The following SV2C variants were observed in gnomAD, a reference collection of about 807,000 sequenced individuals.
The protein encoded by SV2C is solute carrier family 22 member B3.
In SV2C, 49 loss-of-function variants were observed where a neutral mutation model predicts 79.7. The ratio of observed to expected loss-of-function variants is 0.61; its 90% CI spans 0.49 to 0.78. SV2C has a LOEUF of 0.78. SV2C is among the 30% of genes least tolerant of loss of function. SV2C has a pLI of 0.00. For missense variants in SV2C, 833 were observed against 912.9 expected, an observed-to-expected ratio of 0.91 and a Z score of 1.13; for synonymous variants, 334 against 333.2, an observed-to-expected ratio of 1.00 and a Z score of -0.03.
At chr5:76,284,528 C>G (rs1283606155) in intron 4 of SV2C, among the ~76,000 whole-genome samples, 1 of 152,080 alleles carries the variant, frequency 6.6e-6, no homozygotes, top group Non-Finnish European at 1.5e-5. Flanking sequence ...AATAAAGCAC[C>G]CTGGATCCAC....
chr5:76,325,732 TG>T lies in SV2C; in HGVS notation c.*186del. On this transcript the variant is annotated 3_prime_UTR_variant, in exon 13 of 13. Coordinates refer to ENST00000502798, the MANE Select transcript of SV2C (RefSeq NM_014979.4). ...CCTTTGTGATTTTGCACAGGTTGTT[TG>T]TTTGTTTTGTTTTGTTTGAATGCAT... The T allele has an allele frequency of 1.3e-6, 1 of 798,556 alleles. No homozygotes were observed. Among genetic ancestry groups the T allele is most frequent in the Non-Finnish European group, 1.9e-6 (1 of 538,850 alleles). 49.5% of individuals were successfully genotyped at this position (798,556 alleles called of 1,614,324 possible). A position where few individuals can be genotyped will look rare whatever the true frequency, so the allele number is the denominator to read the frequency against.
intron 4 of SV2C, 73 bp downstream of exon 4, chr5:76,209,960 C>A: frequency 6.6e-7 from 1 of 1,509,280 alleles, no homozygotes; most frequent in South Asian, 1.3e-5. Flanking sequence ...TCTTCTTCCT[C>A]TCTTCTAAGG....
the SV2C span, among the ~76,000 whole-genome samples, chr5:75,869,984 T>A: frequency 1.2e-3 from 189 of 152,210 alleles, 2 homozygotes; most frequent in African/African-American, 4.1e-3. Flanking sequence ...ACAGCCTATA[T>A]TACAACACTC....
the SV2C span, among the ~76,000 whole-genome samples, chr5:75,906,608 A>G: frequency 6.6e-6 from 1 of 152,172 alleles, no homozygotes; most frequent in African/African-American, 2.4e-5. Flanking sequence ...ATCAAATTCA[A>G]GTGAAATTTA....
chr5:76,291,795 A>T lies in SV2C; in HGVS notation c.1276A>T (p.Asn426Tyr). Residue 426 changes from asparagine to tyrosine, a missense_variant, in exon 8 of 13, where the codon AAC (asparagine) becomes TAC (tyrosine). Asn to Tyr is a moderately radical substitution (Grantham distance 143). Coordinates refer to ENST00000502798, the MANE Select transcript of SV2C (RefSeq NM_014979.4). ...TTGGTTGACTTTTATGAGATGTTTC[A>T]ACTACCCAGTCAGGGATAATACAAT... is the stretch of plus-strand genomic sequence containing the variant. ...GIWLTFMRCF[N>Y]YPVRDNTIKL... 1 of 1,610,576 alleles carries T rather than the reference A, an allele frequency of 6.2e-7. No individual in the cohort carries two copies. The highest frequency in any genetic ancestry group is 8.5e-7 in the Non-Finnish European group (1 of 1,177,960).
intron 2 of SV2C, among the ~76,000 whole-genome samples, chr5:76,172,491 C>T (rs1743338347): frequency 1.2e-5 from 1 of 81,154 alleles, no homozygotes; most frequent in Non-Finnish European, 2.4e-5. Context: ...GCCCGGCCGC[C>T]CCTACTGGGA....
intron 1 of SV2C, among the ~76,000 whole-genome samples, chr5:76,086,491 C>T (rs1176179592): frequency 3.3e-5 from 5 of 152,152 alleles, no homozygotes; most frequent in African/African-American, 9.7e-5. Flanking sequence ...CAAGGGAAAA[C>T]CTTCAATACA....
At chr5:76,041,935 C>A in the SV2C span, among the ~76,000 whole-genome samples, 1 of 152,156 alleles carries the variant, frequency 6.6e-6, no homozygotes, top group Non-Finnish European at 1.5e-5. Flanking sequence ...GAACTCCCCC[C>A]AAAATCCAGA....
chr5:75,853,149 A>G, the SV2C span, among the ~76,000 whole-genome samples: 7 of 151,808 alleles, frequency 4.6e-5, no homozygotes, highest in Non-Finnish European at 1.5e-5. Context: ...GATGCATACA[A>G]CAACAACTAG....
chr5:76,216,118 G>A (rs934360034), intron 4 of SV2C, among the ~76,000 whole-genome samples: 11 of 152,158 alleles, frequency 7.2e-5, no homozygotes, highest in African/African-American at 2.4e-4. Context: ...CTGTGGCCAG[G>A]AGTTTTTGGT....
chr5:76,014,267 GGAAA>G, the SV2C span, among the ~76,000 whole-genome samples: 34,722 of 146,196 alleles, frequency 0.24, 4,703 homozygotes, highest in East Asian at 0.47. Flanking sequence ...AAAGAAAGAA[GGAAA>G]GAAAGAAAGA....
chr5:76,280,726 G>A (rs1747159376), intron 4 of SV2C, among the ~76,000 whole-genome samples: 1 of 152,222 alleles, frequency 6.6e-6, no homozygotes, highest in African/African-American at 2.4e-5. Context: ...GGGCCTCCAG[G>A]TGCGGGACCT....
At chr5:76,349,643 T>A (rs1028070479) in intron 12 of SV2C, among the ~76,000 whole-genome samples, 6 of 151,818 alleles carry the variant, frequency 4.0e-5, no homozygotes, top group African/African-American at 1.5e-4. Flanking sequence ...CAAGAACACA[T>A]GGAAAGAGAT....
the SV2C span, among the ~76,000 whole-genome samples, chr5:75,929,184 T>C: frequency 6.6e-6 from 1 of 152,028 alleles, no homozygotes; most frequent in African/African-American, 2.4e-5. Context: ...CACACCCCTG[T>C]GTCCAGGGTT....
chr5:75,952,066 T>C, the SV2C span, among the ~76,000 whole-genome samples: 1 of 152,012 alleles, frequency 6.6e-6, no homozygotes, highest in African/African-American at 2.4e-5. Context: ...TATGAGTCTT[T>C]ATTATAATCC....
At chr5:75,933,843 C>T in the SV2C span, among the ~76,000 whole-genome samples, 1 of 152,188 alleles carries the variant, frequency 6.6e-6, no homozygotes, top group South Asian at 2.1e-4. Flanking sequence ...ACTTTGCTTT[C>T]ACCACTGTAT....
chr5:76,315,187 C>T (rs951815512), intron 12 of SV2C, among the ~76,000 whole-genome samples: 5 of 130,400 alleles, frequency 3.8e-5, no homozygotes, highest in Admixed American at 7.9e-5. Flanking sequence ...CATGGCCAGG[C>T]GCACACACAC....
rs562025200 is a variant in SV2C, at chr5:76,257,751, C to T, written c.914-27411C>T. On this transcript the variant is annotated intron_variant, in intron 4 of 12. Transcript: ENST00000502798. Reference sequence around the variant, plus strand: ...GAGTGTGTAGTGTGTTGGGTGTGGACGCATGTAGTGTGTGGTATATGGGTG... The same window carrying T: ...GAGTGTGTAGTGTGTTGGGTGTGGATGCATGTAGTGTGTGGTATATGGGTG... Among the ~76,000 whole-genome samples the T allele has an allele frequency of 4.5e-4, 67 of 147,632 alleles. 1 individual carries two copies. In the South Asian group the frequency reaches 0.013, roughly 28 times the overall value.
chr5:76,137,111 C>T (rs141673967), intron 2 of SV2C, among the ~76,000 whole-genome samples: 4 of 152,116 alleles, frequency 2.6e-5, no homozygotes, highest in African/African-American at 4.8e-5. Flanking sequence ...CATAGCTGTA[C>T]GTTGGCAATA....
Sources: gnomAD v4.1 joint callset for allele counts (sites outside exome capture counted in the v4.1 genomes callset) on GRCh38, gnomAD v4.1.1 for gene constraint, MANE v1.5 for transcripts, NCBI Gene and HGNC (gene_info 2026-07-23, HGNC 2026-07-21) for gene names.